The following ZNF254 variants were observed in gnomAD, a reference collection of about 807,000 sequenced individuals.
ZNF254 encodes the protein CTD-2017D11.1.
ZNF254 carries 10 observed loss-of-function variants against 12.4 expected under a neutral mutation model. The observed-to-expected ratio is 0.80, with a 90% CI of 0.50 to 1.36. The LOEUF is 1.36. ZNF254 is among the 40% of genes most tolerant of loss of function. The pLI is 0.00. For missense variants in ZNF254, 996 were observed against 763.9 expected, an observed-to-expected ratio of 1.30 and a Z score of -3.58; for synonymous variants, 305 against 253.4, an observed-to-expected ratio of 1.20 and a Z score of -1.93.
chr19:24,049,208 ATATATAT>A (rs1421281398), intron 2 of ZNF254, among the ~76,000 whole-genome samples: 12 of 47,570 alleles, frequency 2.5e-4, no homozygotes, highest in Admixed American at 4.7e-4. Context: ...ATATATATAT[ATATATAT>A]TTTTTTTTTT....
In ZNF254 at chr19:24,069,571, G is replaced by A. The variant is rs377247049; in HGVS notation, c.-94+23292G>A. On this transcript the variant is annotated intron_variant, in intron 2 of 4. Transcript: ENST00000613065. ...AGTGAGCCAAGATCACGCCACTGCC[G>A]TTCAGCCTTGGTGACAGAGTGAGAC... 1.8e-4 allele frequency among the ~76,000 whole-genome samples: 23 copies of A among 127,152 alleles called. 1 individual carries two copies. The highest frequency in any genetic ancestry group is 8.3e-4 in the Admixed American group (9 of 10,784). 83.4% of individuals were successfully genotyped at this position (127,152 alleles called of 152,430 possible).
At chr19:24,110,853 A>AT (rs932004122) in intron 3 of ZNF254, among the ~76,000 whole-genome samples, 31 of 148,332 alleles carry the variant, frequency 2.1e-4, no homozygotes, top group East Asian at 7.9e-4. Context: ...AAGTGACAAG[A>AT]TTTTTTTTTT....
At chr19:24,065,516 C>T (rs1291121457) in intron 2 of ZNF254, 1 of 152,182 alleles carries the variant, frequency 6.6e-6, no homozygotes, top group Non-Finnish European at 1.5e-5. Flanking sequence ...GGTGTGGTGA[C>T]TCTCATACCT....
chr19:24,107,762 A>G (rs1161461474), intron 3 of ZNF254, among the ~76,000 whole-genome samples: 2 of 152,170 alleles, frequency 1.3e-5, no homozygotes, highest in Admixed American at 1.3e-4. Context: ...TGAAGGAGCA[A>G]ACACCTCTTC....
At chr19:24,071,589 TAGACTGC>T (rs1568438745) in intron 2 of ZNF254, among the ~76,000 whole-genome samples, 1 of 152,206 alleles carries the variant, frequency 6.6e-6, no homozygotes, top group Non-Finnish European at 1.5e-5. Context: ...CTAATTTAGG[TAGACTGC>T]TGCATGGACC....
At chr19:24,112,653 A>T (rs1344985069) in intron 3 of ZNF254, among the ~76,000 whole-genome samples, 1 of 151,924 alleles carries the variant, frequency 6.6e-6, no homozygotes, top group Non-Finnish European at 1.5e-5. Context: ...TTCTCCTTGA[A>T]GAGGTCCTCC....
At chr19:24,074,601 C>T (rs1189192199) in intron 2 of ZNF254, among the ~76,000 whole-genome samples, 2 of 152,174 alleles carry the variant, frequency 1.3e-5, no homozygotes, top group Non-Finnish European at 2.9e-5. Context: ...TTCTATCTGG[C>T]CCCTGTCCAC....
At chr19:24,056,238 C>T (rs547163922) in intron 2 of ZNF254, among the ~76,000 whole-genome samples, 6 of 152,258 alleles carry the variant, frequency 3.9e-5, no homozygotes, top group Admixed American at 6.5e-5. Context: ...GCCTGTTCCC[C>T]GACCACATAA....
rs1470449901 is a variant in ZNF254, at chr19:24,127,430, T to G, written c.1430T>G (p.Leu477Arg). 1 of 1,612,526 alleles carries G rather than the reference T, an allele frequency of 6.2e-7. No individual in the cohort carries two copies. Among genetic ancestry groups the G allele is most frequent in the Admixed American group, 1.7e-5 (1 of 59,932 alleles). The change falls in exon 4 of 4, where the codon CTA (leucine) becomes CGA (arginine). Residue 477 changes from leucine to arginine, a missense_variant. Leu to Arg is a moderately radical substitution (Grantham distance 102, BLOSUM62 -2). Coordinates refer to ENST00000357002, the MANE Select transcript of ZNF254 (RefSeq NM_203282.4). ...CGKAFIWSST[L>R]TRHKRMHTGE... is the part of the protein sequence containing the mutation. ...AAGGCATTTATATGGTCCTCAACCCTAACTAGACATAAGAGGATGCACACT... is the reference window on the plus strand; with the variant it reads ...AAGGCATTTATATGGTCCTCAACCCGAACTAGACATAAGAGGATGCACACT...
chr19:24,091,315 GAA>G (rs56971141), intron 1 of ZNF254, among the ~76,000 whole-genome samples: 9,553 of 128,692 alleles, frequency 0.074, 502 homozygotes, highest in African/African-American at 0.17. Flanking sequence ...AAAAAATAAA[GAA>G]AAAAAAAAAA....
intron 3 of ZNF254, among the ~76,000 whole-genome samples, chr19:24,116,108 T>A (rs1974051728): frequency 6.6e-6 from 1 of 152,188 alleles, no homozygotes; most frequent in Non-Finnish European, 1.5e-5. Context: ...GTCCGACCTT[T>A]CTCTCTGGCT....
At chr19:24,074,266 T>C (rs1013170605) in intron 2 of ZNF254, among the ~76,000 whole-genome samples, 12 of 152,224 alleles carry the variant, frequency 7.9e-5, no homozygotes, top group Admixed American at 6.5e-4. Context: ...AATAATTTTT[T>C]CTATTACTGG....
chr19:24,050,008 A>G (rs1294478085), intron 2 of ZNF254, among the ~76,000 whole-genome samples: 2 of 151,790 alleles, frequency 1.3e-5, no homozygotes, highest in Non-Finnish European at 2.9e-5. Flanking sequence ...CTCTTGTGTC[A>G]TGGCACTGCC....
intron 1 of ZNF254, among the ~76,000 whole-genome samples, chr19:24,036,324 T>A (rs1969966753): frequency 6.6e-6 from 1 of 152,136 alleles, no homozygotes; most frequent in Non-Finnish European, 1.5e-5. Flanking sequence ...CCCAAAGTGC[T>A]GGGATTACAA....
chr19:24,095,345 TTTTG>T (rs1220160135), intron 1 of ZNF254, among the ~76,000 whole-genome samples: 3 of 152,170 alleles, frequency 2.0e-5, no homozygotes, highest in African/African-American at 7.2e-5. Flanking sequence ...CTGAATTTTT[TTTTG>T]TTTGTTTTAT....
upstream of ZNF254, among the ~76,000 whole-genome samples, chr19:24,082,782 T>C (rs1409736046): frequency 6.6e-6 from 1 of 151,756 alleles, no homozygotes; most frequent in Admixed American, 6.6e-5. Context: ...TCACAGGCCA[T>C]TGTCACTCAT....
chr19:24,110,407 T>C (rs566537997), intron 3 of ZNF254, among the ~76,000 whole-genome samples: 7 of 151,670 alleles, frequency 4.6e-5, no homozygotes, highest in Non-Finnish European at 8.8e-5. Context: ...CAAACATTTT[T>C]TTTCTAAGAA....
chr19:24,089,258 G>C (rs1353756215), intron 1 of ZNF254, among the ~76,000 whole-genome samples: 1 of 152,190 alleles, frequency 6.6e-6, no homozygotes, highest in Non-Finnish European at 1.5e-5. Flanking sequence ...TTACAGGCGT[G>C]AGCCACTGCA....
chr19:24,040,332 G>A (rs1204701002), intron 1 of ZNF254, among the ~76,000 whole-genome samples: 1 of 152,196 alleles, frequency 6.6e-6, no homozygotes, highest in African/African-American at 2.4e-5. Context: ...ATAAATGAGA[G>A]CAAAGGAGTA....
Sources: allele counts gnomAD v4.1 joint callset (sites outside exome capture counted in the v4.1 genomes callset), GRCh38; gene constraint gnomAD v4.1.1; transcripts MANE v1.5; gene names NCBI Gene and HGNC (gene_info 2026-07-23, HGNC 2026-07-21).